The following CEP295 variants were observed in gnomAD, a reference collection of about 807,000 sequenced individuals.
The protein encoded by CEP295 is centrosomal protein of 295 kDa.
CEP295 carries 190 observed loss-of-function variants against 291.6 expected under a neutral mutation model. The observed-to-expected ratio is 0.65, with a 90% CI of 0.58 to 0.73. The LOEUF (loss-of-function observed/expected upper bound fraction) is 0.73. Among genes scored for constraint, CEP295 ranks in the 30% least tolerant of loss-of-function variants. The probability of loss-of-function intolerance (pLI) is 0.00; values close to 1 mark genes in which losing one functional copy is unlikely to be tolerated. For synonymous variants in CEP295, 993 were observed against 1,038.8 expected (o/e 0.96, Z 0.85); for missense variants, 2,863 against 2,949.4 (o/e 0.97, Z 0.68).
intron 1 of CEP295, among the ~76,000 whole-genome samples, chr11:93,664,182 A>AATAAAGATAC (rs1950110971): frequency 6.6e-6 from 1 of 151,900 alleles, no homozygotes; most frequent in African/African-American, 2.4e-5. Flanking sequence ...CAGACAAAAT[A>AATAAAGATAC]ATAAAGATAC....
At chr11:93,689,484 C>T (rs989232352) in intron 10 of CEP295, among the ~76,000 whole-genome samples, 11 of 152,184 alleles carry the variant, frequency 7.2e-5, no homozygotes, top group Admixed American at 3.3e-4. Context: ...GACTAGACTT[C>T]TCTTTTTCTT....
chr11:93,725,074 G>A (rs1452721512), intron 22 of CEP295, among the ~76,000 whole-genome samples: 2 of 151,970 alleles, frequency 1.3e-5, no homozygotes, highest in African/African-American at 4.8e-5. Flanking sequence ...GGCCAACATG[G>A]TGAAATCCCA....
chr11:93,726,313 T>C (rs945294117), intron 23 of CEP295, among the ~76,000 whole-genome samples: 13 of 152,220 alleles, frequency 8.5e-5, no homozygotes, highest in African/African-American at 2.4e-4. Context: ...TTTCTATTTT[T>C]AGTATAGACA....
intron 5 of CEP295, among the ~76,000 whole-genome samples, chr11:93,671,662 G>A (rs919049785): frequency 6.6e-6 from 1 of 152,168 alleles, no homozygotes; most frequent in African/African-American, 2.4e-5. Flanking sequence ...TTGGGATAAG[G>A]CAGTGTTTCT....
intron 18 of CEP295, among the ~76,000 whole-genome samples, chr11:93,718,338 A>G (rs891798138): frequency 6.6e-6 from 1 of 152,258 alleles, no homozygotes; most frequent in Admixed American, 6.5e-5. Flanking sequence ...CTGCCCTTGT[A>G]GGAAAACAGG....
At chr11:93,666,891 C>G in intron 2 of CEP295, 76 bp downstream of exon 2, 2 of 816,382 alleles carry the variant, frequency 2.4e-6, no homozygotes, top group Non-Finnish European at 3.8e-6. Flanking sequence ...TTAGAGTGTT[C>G]TAAATGTTGT....
chr11:93,669,633 A>AT lies in CEP295; in HGVS notation c.435-42dup, dbSNP rs1324375323. 5 of 1,263,714 alleles carry AT rather than the reference A, an allele frequency of 4.0e-6. No individual in the cohort carries two copies. The African/African-American group carries it at 5.9e-5, about 15-fold the overall frequency. The allele number at this position is 1,263,714 out of a possible 1,614,324, so 78.3% of individuals were successfully genotyped here. On this transcript the variant is annotated intron_variant, in intron 4 of 29. Transcript: ENST00000325212. ...ATTTTTAACCCTGTTGTACTATAAT[A>AT]TTATCACTGAGAGATTAATTGATGA...
Position 93,712,257 on chromosome 11 carries a change from A to AT in CEP295, c.5749+5367dup, listed in dbSNP as rs1290158424. Among the ~76,000 whole-genome samples the AT allele has an allele frequency of 2.0e-5, 3 of 146,958 alleles. No individual in the cohort carries two copies. The South Asian group carries it at 6.4e-4, about 31-fold the overall frequency. ...GTCTTGAAATTTTATTTATTTATTT[A>AT]TTTTTTTAAGACAGAGTCTCACTCT... On this transcript the variant is annotated intron_variant, in intron 18 of 29. Coordinates refer to ENST00000325212, the MANE Select transcript of CEP295 (RefSeq NM_033395.2).
chr11:93,725,813 A>G lies in CEP295; in HGVS notation c.6481A>G (p.Thr2161Ala). ...LAHVGAHSFA[T>A]ENIIGGSEQC... ...TCATGTTGGAGCTCACAGTTTTGCTACAGAAAATATTATTGGGGGTATGTA... is the reference window on the plus strand; with the variant it reads ...TCATGTTGGAGCTCACAGTTTTGCTGCAGAAAATATTATTGGGGGTATGTA... The change falls in exon 23 of 30, where the codon ACA (threonine) becomes GCA (alanine). Residue 2161 changes from threonine to alanine, a missense_variant. Coordinates refer to ENST00000325212, the MANE Select transcript of CEP295 (RefSeq NM_033395.2). The G allele has an allele frequency of 6.4e-7, 1 of 1,550,878 alleles. No individual in the cohort carries two copies. Among genetic ancestry groups the G allele is most frequent in the Non-Finnish European group, 8.7e-7 (1 of 1,146,788 alleles).
Position 93,727,525 on chromosome 11 carries a change from A to G in CEP295, c.7049A>G (p.Asn2350Ser), listed in dbSNP as rs1174508238. The G allele has an allele frequency of 7.7e-6, 12 of 1,551,572 alleles. No homozygotes were observed. Among genetic ancestry groups the G allele is most frequent in the Non-Finnish European group, 1.0e-5 (12 of 1,146,934 alleles). The part of the protein sequence containing the change: ...LTTQNEKYFE[N>S]SAETDIPKIT... ...ACTCAAAATGAAAAATATTTTGAGA[A>G]TTCAGCTGAAACAGACATTCCAAAA... The change falls in exon 24 of 30, where the codon AAT (asparagine) becomes AGT (serine). Residue 2350 changes from asparagine (N) to serine (S), a missense_variant. This residue lies in a region of CEP295 where 2,295 missense variants were observed against 2,335.7 expected (regional missense o/e 0.98). Coordinates refer to ENST00000325212, the MANE Select transcript of CEP295 (RefSeq NM_033395.2).
intron 7 of CEP295, 86 bp downstream of exon 7, chr11:93,679,638 G>T (rs1209495592): frequency 1.8e-6 from 2 of 1,136,064 alleles, no homozygotes; most frequent in Non-Finnish European, 1.2e-6. Flanking sequence ...CTCAAAGAAA[G>T]GTAGGAAGGG....
intron 17 of CEP295, among the ~76,000 whole-genome samples, chr11:93,703,261 G>C (rs1007636716): frequency 6.6e-6 from 1 of 151,764 alleles, no homozygotes; most frequent in Non-Finnish European, 1.5e-5. Context: ...ACCGCACCTG[G>C]TCTACATTTT....
At chr11:93,681,238 T>A (rs1343527024) in intron 7 of CEP295, among the ~76,000 whole-genome samples, 1 of 31,626 alleles carries the variant, frequency 3.2e-5, no homozygotes, top group East Asian at 1.0e-3. Flanking sequence ...TCATGTGTTG[T>A]TTTTTTTTTT....
rs1338748664 is a variant in CEP295 at position 93,729,513 on chromosome 11, C to G, written c.7382C>G (p.Pro2461Arg). The G allele has an allele frequency of 1.9e-6, 3 of 1,551,696 alleles. No individual in the cohort carries two copies. Among genetic ancestry groups the G allele is most frequent in the South Asian group, 1.2e-5 (1 of 84,056 alleles). The change falls in exon 26 of 30, where the codon CCA becomes CGA. Residue 2461 changes from proline (P) to arginine (R), a missense_variant. Pro to Arg is a moderately radical substitution (Grantham distance 103, BLOSUM62 -2). Transcript: ENST00000325212. Reference protein sequence around the residue: ...PAVSELSIEKPRTASTETPRR... With the variant: ...PAVSELSIEKRRTASTETPRR... ...GTATCAGAACTTTCCATAGAAAAAC[C>G]AAGGACAGCATCTACAGGTAAGCCT... is the stretch of plus-strand genomic sequence containing the variant.
At position 93,718,198 on chromosome 11, in the gene CEP295, A is replaced by G. The variant is rs117555248; in HGVS notation, c.5750-3114A>G. Among the ~76,000 whole-genome samples, 1,212 of 152,320 alleles carry G rather than the reference A, an allele frequency of 8.0e-3. 22 individuals are homozygous for G. The highest frequency in any genetic ancestry group is 0.053 in the East Asian group (272 of 5,176). On this transcript the variant is annotated intron_variant, in intron 18 of 29. Coordinates refer to ENST00000325212, the MANE Select transcript of CEP295 (RefSeq NM_033395.2). ...AGTGTTGGGATTATAGGCGTGAGCC[A>G]CCACGCCTGGTCCAGATTGTTTCTA...
At chr11:93,681,267 C>CA (rs1362317025) in intron 7 of CEP295, among the ~76,000 whole-genome samples, 1 of 149,932 alleles carries the variant, frequency 6.7e-6, no homozygotes, top group African/African-American at 2.5e-5. Flanking sequence ...GACGGAGTCT[C>CA]ACTCTGTCGC....
rs140941855 is a variant in CEP295 at position 93,699,874 on chromosome 11, G to T, written c.4962G>T (p.Ser1654=). 38 of 1,551,996 alleles carry T rather than the reference G, an allele frequency of 2.4e-5. No homozygotes were observed. The East Asian group carries it at 8.8e-4, about 36-fold the overall frequency. The change falls in exon 15 of 30, where the codon TCG becomes TCT. Residue 1654 remains serine (S), a synonymous_variant. Transcript: ENST00000325212. ...SLFLPKETEH[S]FIPLPFAEAK... ...TTCTACCCAAGGAAACAGAGCATTC[G>T]TTTATTCCACTACCTTTTGCAGAAG...
intron 18 of CEP295, 40 bp downstream of exon 18, chr11:93,706,937 T>A: frequency 3.5e-6 from 5 of 1,436,642 alleles, no homozygotes; most frequent in Non-Finnish European, 4.7e-6. Context: ...TGCACAAGGA[T>A]ATGTGGACAA....
chr11:93,696,448 C>A (rs147396645), intron 14 of CEP295, 31 bp downstream of exon 14: 16 of 1,304,402 alleles, frequency 1.2e-5, no homozygotes, highest in African/African-American at 3.0e-5. Flanking sequence ...TATATGTGAT[C>A]GTATGTGGCT....
Sources: allele counts gnomAD v4.1 joint callset (sites outside exome capture counted in the v4.1 genomes callset), GRCh38; gene constraint gnomAD v4.1.1; regional missense constraint gnomAD v4.1.1; transcripts MANE v1.5; gene names NCBI Gene and HGNC (gene_info 2026-07-23, HGNC 2026-07-21).